Variants in HS3ST4 observed in about 807,000 individuals in gnomAD.
The protein encoded by HS3ST4 is heparan sulfate-glucosamine 3-sulfotransferase 4.
In HS3ST4, 17 loss-of-function variants were observed where a neutral mutation model predicts 29.2. The ratio of observed to expected loss-of-function variants is 0.58; its 90% CI spans 0.40 to 0.87. HS3ST4 has a LOEUF of 0.87. Among genes scored for constraint, HS3ST4 ranks in the 40% least tolerant of loss-of-function variants. HS3ST4 has a pLI of 0.00. For missense variants in HS3ST4, 627 were observed against 634.5 expected, an observed-to-expected ratio of 0.99 and a Z score of 0.13; for synonymous variants, 314 against 285.7, an observed-to-expected ratio of 1.10 and a Z score of -1.00.
intron 1 of HS3ST4, among the ~76,000 whole-genome samples, chr16:25,879,711 A>G (rs954178587): frequency 2.6e-5 from 4 of 152,164 alleles, no homozygotes; most frequent in African/African-American, 9.7e-5. Flanking sequence ...CTAAGGAAGA[A>G]TAAGTCTAAG....
chr16:25,749,527 G>A (rs1567232382), intron 1 of HS3ST4, among the ~76,000 whole-genome samples: 2 of 151,726 alleles, frequency 1.3e-5, no homozygotes, highest in Non-Finnish European at 1.5e-5. Flanking sequence ...GAAGAAGAGG[G>A]AGAGGAAGAG....
intron 1 of HS3ST4, among the ~76,000 whole-genome samples, chr16:26,126,949 C>A (rs541659004): frequency 6.6e-6 from 1 of 151,992 alleles, no homozygotes; most frequent in East Asian, 1.9e-4. Context: ...TGTTCACCCT[C>A]CCTGGAGATA....
chr16:25,901,664 A>G (rs549500695), intron 1 of HS3ST4, among the ~76,000 whole-genome samples: 2 of 147,346 alleles, frequency 1.4e-5, no homozygotes, highest in African/African-American at 5.1e-5. Context: ...ACAGAGCGAG[A>G]CTCTGTGTCA....
At chr16:25,983,768 T>C (rs1479596080) in intron 1 of HS3ST4, among the ~76,000 whole-genome samples, 1 of 152,206 alleles carries the variant, frequency 6.6e-6, no homozygotes, top group Non-Finnish European at 1.5e-5. Context: ...TTCACCAGCC[T>C]GTGAGTCAGG....
intron 1 of HS3ST4, among the ~76,000 whole-genome samples, chr16:25,984,283 C>A (rs8051104): frequency 6.6e-6 from 1 of 152,046 alleles, no homozygotes; most frequent in Non-Finnish European, 1.5e-5. Context: ...GGGACGGTTT[C>A]GGGATGAAAC....
chr16:26,038,795 T>A (rs1969608246), intron 1 of HS3ST4, among the ~76,000 whole-genome samples: 1 of 152,160 alleles, frequency 6.6e-6, no homozygotes, highest in South Asian at 2.1e-4. Context: ...GCCATTCTCC[T>A]GCCTCAGCCT....
intron 1 of HS3ST4, among the ~76,000 whole-genome samples, chr16:26,104,019 G>C (rs939320014): frequency 6.6e-6 from 1 of 152,108 alleles, no homozygotes; most frequent in African/African-American, 2.4e-5. Context: ...CCATAAAAAT[G>C]TTTTTTTAAA....
At chr16:25,755,510 T>C (rs1162186040) in intron 1 of HS3ST4, among the ~76,000 whole-genome samples, 4 of 151,998 alleles carry the variant, frequency 2.6e-5, no homozygotes, top group African/African-American at 4.8e-5. Context: ...TGCTGGGAGA[T>C]GAGGATGGAG....
chr16:25,845,193 C>A (rs1417709972), intron 1 of HS3ST4, among the ~76,000 whole-genome samples: 2 of 152,022 alleles, frequency 1.3e-5, no homozygotes, highest in African/African-American at 4.8e-5. Flanking sequence ...TACCCTGGAA[C>A]TTAACATAAA....
intron 1 of HS3ST4, among the ~76,000 whole-genome samples, chr16:25,919,293 G>A (rs1210922638): frequency 6.6e-6 from 1 of 152,154 alleles, no homozygotes; most frequent in Non-Finnish European, 1.5e-5. Context: ...GCCTTCCAAA[G>A]TGTTGGGATT....
intron 1 of HS3ST4, among the ~76,000 whole-genome samples, chr16:26,123,450 T>C (rs1336676785): frequency 6.6e-6 from 1 of 152,172 alleles, no homozygotes; most frequent in Non-Finnish European, 1.5e-5. Context: ...ACCCTGAAAG[T>C]CTTTGACCAC....
intron 1 of HS3ST4, among the ~76,000 whole-genome samples, chr16:25,989,086 A>G (rs1007774120): frequency 6.6e-6 from 1 of 152,160 alleles, no homozygotes; most frequent in Non-Finnish European, 1.5e-5. Flanking sequence ...AAACGGAAGC[A>G]AGGTACAGAA....
At chr16:25,799,640 C>A (rs1398523266) in intron 1 of HS3ST4, among the ~76,000 whole-genome samples, 1 of 152,158 alleles carries the variant, frequency 6.6e-6, no homozygotes, top group Non-Finnish European at 1.5e-5. Context: ...TCACTACTCA[C>A]TACTTTGGTG....
chr16:25,801,262 T>C (rs1460445015), intron 1 of HS3ST4, among the ~76,000 whole-genome samples: 2 of 152,176 alleles, frequency 1.3e-5, no homozygotes, highest in Admixed American at 6.5e-5. Context: ...TTCTGACCTA[T>C]GCTGGTATGC....
At chr16:25,914,323 A>T (rs1041689571) in intron 1 of HS3ST4, among the ~76,000 whole-genome samples, 1 of 145,080 alleles carries the variant, frequency 6.9e-6, no homozygotes, top group Non-Finnish European at 1.5e-5. Context: ...GTATAGGGGT[A>T]TATGTGGTGT....
intron 1 of HS3ST4, among the ~76,000 whole-genome samples, chr16:25,892,926 G>A (rs887398375): frequency 6.6e-6 from 1 of 152,162 alleles, no homozygotes; most frequent in Non-Finnish European, 1.5e-5. Flanking sequence ...GAATAAATAA[G>A]TAGACAAATG....
chr16:26,113,713 T>G (rs937569905), intron 1 of HS3ST4, among the ~76,000 whole-genome samples: 2 of 152,108 alleles, frequency 1.3e-5, no homozygotes, highest in Non-Finnish European at 2.9e-5. Flanking sequence ...TTCAGAATAC[T>G]CACACACTTG....
At chr16:25,857,915 CCTTCCTTTCTTT>C (rs1177846487) in intron 1 of HS3ST4, among the ~76,000 whole-genome samples, 18 of 55,346 alleles carry the variant, frequency 3.3e-4, no homozygotes, top group African/African-American at 6.7e-4. Flanking sequence ...TTCCTTCCTT[CCTTCCTTTCTTT>C]CTTTCTTTCT....
intron 1 of HS3ST4, among the ~76,000 whole-genome samples, chr16:25,732,919 T>C (rs1258882084): frequency 1.3e-5 from 2 of 152,190 alleles, no homozygotes; most frequent in African/African-American, 4.8e-5. Flanking sequence ...GCCCTGTGCC[T>C]AGCCCTGCTA....
Sources: gnomAD v4.1 joint callset for allele counts (sites outside exome capture counted in the v4.1 genomes callset) on GRCh38, gnomAD v4.1.1 for gene constraint, MANE v1.5 for transcripts, NCBI Gene and HGNC (gene_info 2026-07-23, HGNC 2026-07-21) for gene names.